BCL9L: variants seen among roughly 807,000 people sequenced by gnomAD.
The protein encoded by BCL9L is B-cell CLL/lymphoma 9-like protein.
In BCL9L, 19 loss-of-function variants were observed where a neutral mutation model predicts 99.4. That is an observed-to-expected ratio of 0.19 (90% CI 0.13 to 0.28). The LOEUF is 0.28. Among genes scored for constraint, BCL9L ranks in the 10% least tolerant of loss-of-function variants. The probability of loss-of-function intolerance (pLI) is 1.00; values close to 1 mark genes in which losing one functional copy is unlikely to be tolerated. For missense variants in BCL9L, 2,023 were observed against 2,101.6 expected, an observed-to-expected ratio of 0.96 and a Z score of 0.73; for synonymous variants, 900 against 854.8, an observed-to-expected ratio of 1.05 and a Z score of -0.92.
At chr11:118,915,131 CA>C (rs1368587437) in intron 2 of BCL9L, among the ~76,000 whole-genome samples, 13 of 144,616 alleles carry the variant, frequency 9.0e-5, no homozygotes, top group South Asian at 4.4e-4. Flanking sequence ...GAGACTGTCT[CA>C]AAAAAAAAAA....
In BCL9L at chr11:118,898,702, C is replaced by T. The variant is rs752888469; in HGVS notation, c.4213G>A (p.Val1405Met). The change falls in exon 10 of 10, where the codon GTG (valine) becomes ATG (methionine). Residue 1405 changes from valine (V) to methionine (M), a missense_variant. This residue lies in a region of BCL9L where 902 missense variants were observed against 888.2 expected (regional missense o/e 1.02). Transcript: ENST00000683865. The part of the protein sequence containing the change: ...GQMSLLGRTG[V>M]PPQQGMVPHG... ...GGCACCATCCCCTGCTGTGGGGGCA[C>T]GCCTGTCCTGCCCAGCAAGGACATC... The T allele has an allele frequency of 2.5e-5, 40 of 1,611,942 alleles. No individual in the cohort carries two copies. The highest frequency in any genetic ancestry group is 5.5e-5 in the South Asian group (5 of 90,866).
At position 118,899,451 on chromosome 11, in the gene BCL9L, G is replaced by A. The variant is rs1275999754; in HGVS notation, c.3464C>T (p.Pro1155Leu). The A allele has an allele frequency of 6.2e-7, 1 of 1,606,068 alleles. No homozygotes were observed. Among genetic ancestry groups the A allele is most frequent in the Admixed American group, 1.7e-5 (1 of 58,850 alleles). Residue 1155 changes from proline (P) to leucine (L), a missense_variant, in exon 10 of 10, where the codon CCT becomes CTT. Coordinates refer to ENST00000683865, the MANE Select transcript of BCL9L (RefSeq NM_001378213.1). ...MHLNSAAAQSPMGMNLPGQQP... is the reference protein window; with the variant it reads ...MHLNSAAAQSLMGMNLPGQQP... ...CTGGCCTGGCAGGTTCATGCCCATA[G>A]GGCTCTGGGCAGCGGCTGAGTTCAG...
rs1941148286 is a variant in BCL9L at position 118,921,776 on chromosome 11, T to C, written c.-130-2897A>G. ...AATCAGAGGGAACCTGTCTGTGTCC[T>C]TTCCCCTACTCCTGGGCAGTGGTGA... On this transcript the variant is annotated intron_variant, in intron 1 of 9. Coordinates refer to ENST00000683865, the MANE Select transcript of BCL9L (RefSeq NM_001378213.1). The surrounding 1 kb of genome is among the most constrained non-coding windows in gnomAD (Gnocchi z 5.4). Among the ~76,000 whole-genome samples the C allele has an allele frequency of 6.6e-6, 1 of 152,030 alleles. No individual in the cohort carries two copies. Among genetic ancestry groups the C allele is most frequent in the Admixed American group, 6.5e-5 (1 of 15,268 alleles).
chr11:118,900,381 G>C lies in BCL9L; in HGVS notation c.3125-183C>G, dbSNP rs913989359. 6.6e-6 allele frequency among the ~76,000 whole-genome samples: 1 copy of C among 152,000 alleles called. No individual in the cohort carries two copies. Among genetic ancestry groups the C allele is most frequent in the Admixed American group, 6.5e-5 (1 of 15,268 alleles). ...CTTCAAGCAATTCCTGCAGCCTCAG[G>C]GCCCCAGGCAAGGGGAAGATCCCAG... is the stretch of plus-strand genomic sequence containing the variant. On this transcript the variant is annotated intron_variant, in intron 8 of 9. Coordinates refer to ENST00000683865, the MANE Select transcript of BCL9L (RefSeq NM_001378213.1). The surrounding 1 kb of genome is among the most constrained non-coding windows in gnomAD (Gnocchi z 5.3).
Position 118,898,294 on chromosome 11 carries a change from G to GCCCCCCCACCC in BCL9L, c.*120_*121insGGGTGGGGGGG. 2.2e-6 allele frequency: 1 copy of GCCCCCCCACCC among 452,312 alleles called. No individual in the cohort carries two copies. Among genetic ancestry groups the GCCCCCCCACCC allele is most frequent in the Non-Finnish European group, 4.1e-6 (1 of 244,762 alleles). 28.0% of individuals were successfully genotyped at this position (452,312 alleles called of 1,614,324 possible). A position where few individuals can be genotyped will look rare whatever the true frequency, so the allele number is the denominator to read the frequency against. ...TCCACAAATGCCACTCCCTACACAAGCCCCCTCCCACCCCCTCCACCCCAC... is the reference window on the plus strand; with the variant it reads ...TCCACAAATGCCACTCCCTACACAAGCCCCCCCACCCCCCCCTCCCACCCCCTCCACCCCAC... On this transcript the variant is annotated 3_prime_UTR_variant, in exon 10 of 10. Transcript: ENST00000683865.
rs1940214776 is a variant in BCL9L, at chr11:118,901,198, A to G, written c.2545T>C (p.Phe849Leu). 1 of 1,613,922 alleles carries G rather than the reference A, an allele frequency of 6.2e-7. No homozygotes were observed. Among genetic ancestry groups the G allele is most frequent in the Non-Finnish European group, 8.5e-7 (1 of 1,179,938 alleles). The change falls in exon 8 of 10, where the codon TTC (phenylalanine) becomes CTC (leucine). Residue 849 changes from phenylalanine (F) to leucine (L), a missense_variant. Around this residue, in one of 3 missense-constraint regions of BCL9L, gnomAD observed 5 missense variants for 18.7 expected, o/e 0.27. Coordinates refer to ENST00000683865, the MANE Select transcript of BCL9L (RefSeq NM_001378213.1). The surrounding 1 kb of genome is among the most constrained non-coding windows in gnomAD (Gnocchi z 6.6). ...TGGTAGGGTCCCTGGCCTCCAGAGAATCCCTGCTGGCCCTGGTTGGGAAAC... is the reference window on the plus strand; with the variant it reads ...TGGTAGGGTCCCTGGCCTCCAGAGAGTCCCTGCTGGCCCTGGTTGGGAAAC... The part of the protein sequence containing the change: ...SQFPNQGQQG[F>L]SGGQGPYQAM...
In BCL9L at chr11:118,901,245, T is replaced by C; in HGVS notation, c.2498A>G (p.Gln833Arg). The stretch of plus-strand genomic sequence containing the variant: ...AAACTGTGAAGGCATCAGCATCTTC[T>C]GCGGGCCGCCCATCACGCCACTGCT... Reference protein sequence around the residue: ...QNSSGVMGGPQKMLMPSQFPN... With the variant: ...QNSSGVMGGPRKMLMPSQFPN... The change falls in exon 8 of 10, where the codon CAG (glutamine) becomes CGG (arginine). Residue 833 changes from glutamine (Q) to arginine (R), a missense_variant. Physicochemically the swap from Gln to Arg is conservative, Grantham distance 43. Transcript: ENST00000683865. The surrounding 1 kb of genome is among the most constrained non-coding windows in gnomAD (Gnocchi z 6.6). 6.2e-7 allele frequency: 1 copy of C among 1,614,046 alleles called. No homozygotes were observed. The highest frequency in any genetic ancestry group is 8.5e-7 in the Non-Finnish European group (1 of 1,179,984).
rs199615349 is a variant in BCL9L at position 118,900,818 on chromosome 11, C to T, written c.2925G>A (p.Ser975=). The T allele has an allele frequency of 7.0e-5, 113 of 1,613,756 alleles. 1 individual carries two copies. In the East Asian group the frequency reaches 1.7e-3, roughly 25 times the overall value. ...PSANPPGPLK[S]PQVLGSSLSV... ...TGAGGGAGGAGCCGAGGACCTGGGG[C>T]GACTTGAGAGGTCCTGGCGGGTTGG... The change falls in exon 8 of 10, where the codon TCG becomes TCA. Residue 975 remains serine (S), a synonymous_variant. Coordinates refer to ENST00000683865, the MANE Select transcript of BCL9L (RefSeq NM_001378213.1). The surrounding 1 kb of genome is among the most constrained non-coding windows in gnomAD (Gnocchi z 5.3).
chr11:118,924,473 A>T (rs1941230725), intron 1 of BCL9L, among the ~76,000 whole-genome samples: 1 of 151,754 alleles, frequency 6.6e-6, no homozygotes, highest in South Asian at 2.1e-4. Context: ...CACCCTCCAG[A>T]CTCCTAGACT....
chr11:118,903,334 A>G lies in BCL9L; in HGVS notation c.651T>C (p.Leu217=). Residue 217 remains leucine (L), a synonymous_variant, in exon 6 of 10, where the codon CTT becomes CTC. Transcript: ENST00000683865. This position sits in a 1 kb window ranked among gnomAD's most constrained non-coding sequence, Gnocchi z 5.6. ...CCCCGCCCCCAGGGGCATCAGGCCG[A>G]AGGCCAGGAGGAGGGCCGTGCGGGG... ...PGAPHGPPPG[L]RPDAPGGGGG... 1 of 1,592,174 alleles carries G rather than the reference A, an allele frequency of 6.3e-7. No homozygotes were observed. Among genetic ancestry groups the G allele is most frequent in the Non-Finnish European group, 8.5e-7 (1 of 1,170,472 alleles).
intron 2 of BCL9L, among the ~76,000 whole-genome samples, chr11:118,913,094 C>G (rs1940857724): frequency 6.6e-6 from 1 of 152,176 alleles, no homozygotes. Context: ...CTGGGACCCT[C>G]GATGTGGGGA....
intron 2 of BCL9L, among the ~76,000 whole-genome samples, chr11:118,912,354 G>A (rs1398673309): frequency 2.6e-5 from 4 of 152,208 alleles, no homozygotes; most frequent in Admixed American, 6.5e-5. Context: ...GGTTAGGTGG[G>A]GAGGGGTAGC....
At chr11:118,909,618 G>A (rs1940694607) in intron 3 of BCL9L, among the ~76,000 whole-genome samples, 1 of 152,192 alleles carries the variant, frequency 6.6e-6, no homozygotes, top group Admixed American at 6.5e-5. Flanking sequence ...GTGGGAGGGG[G>A]TCTGCTCAAA....
rs981731580 is a variant in BCL9L, at chr11:118,909,435, C to G, written c.26+479G>C. 3.6e-4 allele frequency among the ~76,000 whole-genome samples: 55 copies of G among 152,344 alleles called. 1 individual carries two copies. Among genetic ancestry groups the G allele is most frequent in the Middle Eastern group, 6.8e-3 (2 of 294 alleles). ...ATCACGGGAGAGGATATTTATCCCC[C>G]CTCATTCCACACCAGCTCAGATTTA... is the stretch of plus-strand genomic sequence containing the variant. On this transcript the variant is annotated intron_variant, in intron 3 of 9. Transcript: ENST00000683865.
chr11:118,916,467 G>A (rs183168080), intron 2 of BCL9L, among the ~76,000 whole-genome samples: 1 of 152,262 alleles, frequency 6.6e-6, no homozygotes, highest in African/African-American at 2.4e-5. Context: ...TCACCCCAGG[G>A]CCTATAGGAG....
chr11:118,901,145 G>A lies in BCL9L; in HGVS notation c.2598C>T (p.Thr866=). The change falls in exon 8 of 10, where the codon ACC becomes ACT. Residue 866 remains threonine, a synonymous_variant. Transcript: ENST00000683865. This position sits in a 1 kb window ranked among gnomAD's most constrained non-coding sequence, Gnocchi z 6.6. ...TCTGATCAGGGCTGAACATGTCTTG[G>A]GTATTGCCCATGTCCTGGGACATGG... is the stretch of plus-strand genomic sequence containing the variant. ...YQAMSQDMGN[T]QDMFSPDQSS... 6.2e-7 allele frequency: 1 copy of A among 1,613,846 alleles called. No homozygotes were observed. Among genetic ancestry groups the A allele is most frequent in the East Asian group, 2.2e-5 (1 of 44,862 alleles).
chr11:118,902,434 C>T lies in BCL9L; in HGVS notation c.1309G>A (p.Gly437Arg). 6.3e-7 allele frequency: 1 copy of T among 1,593,592 alleles called. No homozygotes were observed. The highest frequency in any genetic ancestry group is 8.5e-7 in the Non-Finnish European group (1 of 1,170,630). ...GCTGGTGGGCCCCCCTCACCCGCTC[C>T]TCCTGGGGGCCCCTTGAGGAAGGGC... ...TEPFLKGPPG[G>R]AGEGGPPAQA... is the part of the protein sequence containing the mutation. The change falls in exon 8 of 10, where the codon GGA becomes AGA. Residue 437 changes from glycine (G) to arginine (R), a missense_variant. This residue lies in a region of BCL9L where 1,116 missense variants were observed against 1,194.6 expected (regional missense o/e 0.93). Transcript: ENST00000683865. The surrounding 1 kb of genome is among the most constrained non-coding windows in gnomAD (Gnocchi z 7.8).
intron 2 of BCL9L, among the ~76,000 whole-genome samples, chr11:118,912,288 C>T (rs1429694891): frequency 6.6e-6 from 1 of 152,152 alleles, no homozygotes; most frequent in African/African-American, 2.4e-5. Context: ...CCTTGAGGTA[C>T]GAGAAAGCAA....
Position 118,899,344 on chromosome 11 carries a change from C to A in BCL9L, c.3571G>T (p.Ala1191Ser). The A allele has an allele frequency of 6.6e-7, 1 of 1,522,220 alleles. No individual in the cohort carries two copies. The highest frequency in any genetic ancestry group is 8.8e-7 in the Non-Finnish European group (1 of 1,131,112). The allele number at this position is 1,522,220 out of a possible 1,614,324, so 94.3% of individuals were successfully genotyped here. The change falls in exon 10 of 10, where the codon GCA becomes TCA. Residue 1191 changes from alanine to serine, a missense_variant. Ala to Ser is a moderately conservative substitution (Grantham distance 99, BLOSUM62 1). Coordinates refer to ENST00000683865, the MANE Select transcript of BCL9L (RefSeq NM_001378213.1). ...TGAGGGGGCCCCCCTGTCCCCTGTG[C>A]GTTGGGATGCAGTGGAATGTTGGAG... ...LGSNIPLHPN[A>S]QGTGGPPQNS...
Sources: gnomAD v4.1 joint callset for allele counts (sites outside exome capture counted in the v4.1 genomes callset) on GRCh38, gnomAD v4.1.1 for gene constraint, gnomAD v4.1.1 regional missense constraint, Gnocchi (gnomAD v3.1) non-coding constraint, MANE v1.5 for transcripts, NCBI Gene and HGNC (gene_info 2026-07-23, HGNC 2026-07-21) for gene names.